The following RYR2 variants were observed in gnomAD, a reference collection of about 807,000 sequenced individuals.
RYR2 encodes the protein ryanodine receptor 2, also known as cardiac muscle ryanodine receptor-calcium release channel.
RYR2 carries 227 observed loss-of-function variants against 601.1 expected under a neutral mutation model. That is an observed-to-expected ratio of 0.38 (90% CI 0.34 to 0.42). RYR2 has a LOEUF of 0.42. RYR2 is among the 10% of genes least tolerant of loss of function. The pLI, the probability that RYR2 is intolerant of heterozygous loss-of-function variation, is 1.00. For synonymous variants in RYR2, 2,223 were observed against 2,175.1 expected, an observed-to-expected ratio of 1.02 and a Z score of -0.61; for missense variants, 4,646 against 6,156.5, an observed-to-expected ratio of 0.75 and a Z score of 8.21.
intron 29 of RYR2, 144 bp from the exon 30 acceptor site, chr1:237,589,649 A>G: frequency 1.5e-6 from 1 of 675,700 alleles, no homozygotes; most frequent in Non-Finnish European, 2.5e-6. Flanking sequence ...ATTTAATGTC[A>G]TTGTTCCCTT....
intron 1 of RYR2, among the ~76,000 whole-genome samples, chr1:237,209,497 A>ATGTGTGTGTGTGTGTGTGTGTGTG (rs55861841): frequency 0.013 from 1,839 of 143,326 alleles, 17 homozygotes; most frequent in Non-Finnish European, 0.022. Flanking sequence ...ATCTGCATAT[A>ATGTGTGTGTGTGTGTGTGTGTGTG]TGTGTGTGTG....
chr1:237,579,352 G>A (rs1673637745), intron 29 of RYR2, among the ~76,000 whole-genome samples: 1 of 145,806 alleles, frequency 6.9e-6, no homozygotes, highest in Non-Finnish European at 1.5e-5. Context: ...CGCCTCCTGA[G>A]TTCAAGCGAT....
intron 10 of RYR2, among the ~76,000 whole-genome samples, chr1:237,409,131 C>T (rs1704191824): frequency 6.8e-6 from 1 of 147,466 alleles, no homozygotes; most frequent in Non-Finnish European, 1.5e-5. Flanking sequence ...TTATTTCTTC[C>T]TTCTCAGTCT....
chr1:237,623,893 C>A (rs1559130617), intron 39 of RYR2, 23 bp downstream of exon 39: 1 of 1,464,762 alleles, frequency 6.8e-7, no homozygotes, highest in East Asian at 2.3e-5. Flanking sequence ...TGATTAAAAG[C>A]TTTTATTAAT....
chr1:237,515,752 T>A (rs78045672), intron 24 of RYR2, among the ~76,000 whole-genome samples: 5 of 58,546 alleles, frequency 8.5e-5, no homozygotes, highest in Admixed American at 2.5e-4. Flanking sequence ...CTTCTTCCTC[T>A]TCTTCTCCTC....
intron 24 of RYR2, among the ~76,000 whole-genome samples, chr1:237,526,655 G>A (rs540233160): frequency 2.0e-5 from 3 of 152,180 alleles, no homozygotes; most frequent in Non-Finnish European, 2.9e-5. Flanking sequence ...CCCTTTGGCC[G>A]GTTTTTAATA....
At position 237,256,205 on chromosome 1, in the gene RYR2, C is replaced by T. The variant is rs144711915; in HGVS notation, c.49-14292C>T. Among the ~76,000 whole-genome samples, 168 of 152,262 alleles carry T rather than the reference C, an allele frequency of 1.1e-3. 2 individuals are homozygous for T. The highest frequency in any genetic ancestry group is 3.9e-3 in the African/African-American group (161 of 41,544). On this transcript the variant is annotated intron_variant, in intron 1 of 104. Coordinates refer to ENST00000366574, the MANE Select transcript of RYR2 (RefSeq NM_001035.3). ...GGGGAAACCCATGTCGCTTGTCTCA[C>T]ATTTTCTCTTGCCTGCCGCCGTGTA...
chr1:237,279,514 A>C (rs1467661724), intron 2 of RYR2, among the ~76,000 whole-genome samples: 2 of 152,152 alleles, frequency 1.3e-5, no homozygotes, highest in African/African-American at 4.8e-5. Context: ...TTAAATCTCA[A>C]ATTCTACTGG....
intron 1 of RYR2, among the ~76,000 whole-genome samples, chr1:237,141,812 C>T (rs1673424273): frequency 6.6e-6 from 1 of 152,176 alleles, no homozygotes; most frequent in Admixed American, 6.5e-5. Context: ...TGTTTGGGTT[C>T]TCAGAAACAC....
At chr1:237,763,335 G>A (rs1333217816) in intron 84 of RYR2, among the ~76,000 whole-genome samples, 1 of 152,118 alleles carries the variant, frequency 6.6e-6, no homozygotes, top group Non-Finnish European at 1.5e-5. Context: ...GTACTGATTG[G>A]TGCACGGGAA....
chr1:237,670,028 T>C (rs1174124875), intron 58 of RYR2, among the ~76,000 whole-genome samples: 1 of 152,132 alleles, frequency 6.6e-6, no homozygotes, highest in Non-Finnish European at 1.5e-5. Flanking sequence ...AGACTCCGTC[T>C]GCAATCCTGG....
At chr1:237,518,630 T>C (rs1446219354) in intron 24 of RYR2, among the ~76,000 whole-genome samples, 1 of 152,212 alleles carries the variant, frequency 6.6e-6, no homozygotes, top group African/African-American at 2.4e-5. Context: ...ATTATGTATA[T>C]ATGCCACATT....
At chr1:237,122,101 TTG>T (rs1473339938) in intron 1 of RYR2, among the ~76,000 whole-genome samples, 2 of 152,176 alleles carry the variant, frequency 1.3e-5, no homozygotes, top group Non-Finnish European at 2.9e-5. Context: ...CTTATAAAAT[TTG>T]TGGAAAATGT....
chr1:237,163,845 G>A (rs545765462), intron 1 of RYR2, among the ~76,000 whole-genome samples: 48 of 152,244 alleles, frequency 3.2e-4, no homozygotes, highest in Middle Eastern at 3.2e-3. Flanking sequence ...AAGGAGGTGA[G>A]CTAAGGGACC....
chr1:237,238,353 C>G (rs890544773), intron 1 of RYR2, among the ~76,000 whole-genome samples: 1 of 152,148 alleles, frequency 6.6e-6, no homozygotes, highest in Non-Finnish European at 1.5e-5. Context: ...AGTTGTCCAG[C>G]CTTTCCAGAT....
At chr1:237,429,247 C>A (rs1706532817) in intron 12 of RYR2, among the ~76,000 whole-genome samples, 1 of 152,274 alleles carries the variant, frequency 6.6e-6, no homozygotes, top group South Asian at 2.1e-4. Flanking sequence ...AGTATCAGGA[C>A]CCCCATTTTA....
chr1:237,648,377 C>T, intron 48 of RYR2, 67 bp from the exon 49 acceptor site: 10 of 1,298,786 alleles, frequency 7.7e-6, no homozygotes, highest in Non-Finnish European at 9.1e-6. Context: ...GTCTAGAAAG[C>T]AGCCATTTGT....
chr1:237,287,808 A>C (rs1326358894), intron 2 of RYR2, among the ~76,000 whole-genome samples: 1 of 152,108 alleles, frequency 6.6e-6, no homozygotes, highest in Non-Finnish European at 1.5e-5. Context: ...ATTCGTTGTC[A>C]GGTAAATCAG....
intron 1 of RYR2, among the ~76,000 whole-genome samples, chr1:237,046,634 G>A (rs1018621915): frequency 5.3e-5 from 8 of 152,140 alleles, no homozygotes; most frequent in South Asian, 2.1e-4. Flanking sequence ...GATCTAAAAC[G>A]CTTAGGGCAC....
Sources: allele counts gnomAD v4.1 joint callset (sites outside exome capture counted in the v4.1 genomes callset), GRCh38; gene constraint gnomAD v4.1.1; transcripts MANE v1.5; gene names NCBI Gene and HGNC (gene_info 2026-07-23, HGNC 2026-07-21).